The following ANKS1B variants were observed in gnomAD, a reference collection of about 807,000 sequenced individuals.
The protein encoded by ANKS1B is ankyrin repeat and sterile alpha motif domain containing 1B.
Under a neutral mutation model 148.3 loss-of-function variants are expected in ANKS1B, and 36 were observed. That is an observed-to-expected ratio of 0.24 (90% confidence interval 0.19 to 0.32). The LOEUF (loss-of-function observed/expected upper bound fraction) is 0.32. Ranked by LOEUF, ANKS1B falls within the 10% of genes least tolerant of loss-of-function variation. The pLI is 1.00. For synonymous variants in ANKS1B, 542 were observed against 560.8 expected (o/e 0.97, Z 0.47); for missense variants, 1,157 against 1,542.6 (o/e 0.75, Z 4.19).
chr12:98,885,849 A>T (rs948240995), intron 17 of ANKS1B, among the ~76,000 whole-genome samples: 1 of 152,200 alleles, frequency 6.6e-6, no homozygotes, highest in Non-Finnish European at 1.5e-5. Flanking sequence ...TCCAAGCAAT[A>T]AAACATAGCT....
chr12:98,744,487 T>C lies in ANKS1B; in HGVS notation c.*1252A>G. ...TACATTAAAATGTTATTTTTTTCTA[T>C]AATGATATTGGTACTGTTTATATAA... On this transcript the variant is annotated 3_prime_UTR_variant, in exon 27 of 27. Coordinates refer to ENST00000683438, the MANE Select transcript of ANKS1B (RefSeq NM_001352186.2). 1.6e-6 allele frequency: 1 copy of C among 630,808 alleles called. No homozygotes were observed. Among genetic ancestry groups the C allele is most frequent in the Non-Finnish European group, 2.0e-6 (1 of 506,150 alleles). The allele number at this position is 630,808 out of a possible 1,614,324, so 39.1% of individuals were successfully genotyped here.
intron 17 of ANKS1B, among the ~76,000 whole-genome samples, chr12:98,930,291 G>A (rs1225354462): frequency 6.6e-6 from 1 of 152,078 alleles, no homozygotes; most frequent in Non-Finnish European, 1.5e-5. Context: ...AACAAATGCT[G>A]ACAAAGGTGT....
At chr12:99,964,101 C>T (rs1338445560) in intron 1 of ANKS1B, among the ~76,000 whole-genome samples, 1 of 152,110 alleles carries the variant, frequency 6.6e-6, no homozygotes, top group African/African-American at 2.4e-5. Context: ...TGGAGGCCTA[C>T]TACATGTCCA....
At chr12:99,571,615 G>C (rs10129037) in intron 9 of ANKS1B, among the ~76,000 whole-genome samples, 2,125 of 152,078 alleles carry the variant, frequency 0.014, 51 homozygotes, top group African/African-American at 0.049. Context: ...CGAATGTTAA[G>C]GTCTCATCCA....
At chr12:98,786,457 A>T (rs1405689830) in intron 22 of ANKS1B, among the ~76,000 whole-genome samples, 1 of 152,236 alleles carries the variant, frequency 6.6e-6, no homozygotes, top group Non-Finnish European at 1.5e-5. Flanking sequence ...GAAATCACCA[A>T]GAGAAAGAAA....
chr12:99,823,730 T>C (rs961363959), intron 2 of ANKS1B, among the ~76,000 whole-genome samples: 1 of 152,244 alleles, frequency 6.6e-6, no homozygotes, highest in African/African-American at 2.4e-5. Context: ...GATCTTACAT[T>C]TAAATCTTCA....
chr12:98,980,033 A>G (rs2099906874), intron 17 of ANKS1B, among the ~76,000 whole-genome samples: 1 of 152,118 alleles, frequency 6.6e-6, no homozygotes, highest in Admixed American at 6.5e-5. Context: ...TTTTAATCCA[A>G]ATGGTCACAT....
chr12:99,286,516 G>A (rs570480177), intron 12 of ANKS1B, among the ~76,000 whole-genome samples: 1 of 152,200 alleles, frequency 6.6e-6, no homozygotes, highest in Non-Finnish European at 1.5e-5. Context: ...CCTGTTTGAG[G>A]AAAGGAGAGG....
chr12:99,963,146 G>A (rs749901982), intron 1 of ANKS1B, among the ~76,000 whole-genome samples: 2 of 152,242 alleles, frequency 1.3e-5, no homozygotes, highest in South Asian at 2.1e-4. Context: ...TGTTGGCCAC[G>A]TAAATGTCTT....
At chr12:99,182,685 G>T (rs977202141) in intron 14 of ANKS1B, among the ~76,000 whole-genome samples, 1 of 151,998 alleles carries the variant, frequency 6.6e-6, no homozygotes, top group Admixed American at 6.6e-5. Context: ...CTAGGAGTGG[G>T]ATTACTAGAT....
chr12:98,908,338 T>G (rs2099782232), intron 17 of ANKS1B, among the ~76,000 whole-genome samples: 1 of 152,214 alleles, frequency 6.6e-6, no homozygotes, highest in African/African-American at 2.4e-5. Flanking sequence ...TATGTCTGCT[T>G]CCATTATTTC....
chr12:99,280,203 T>TGAGA (rs534368988), intron 12 of ANKS1B, among the ~76,000 whole-genome samples: 2 of 150,886 alleles, frequency 1.3e-5, no homozygotes, highest in Non-Finnish European at 3.0e-5. Flanking sequence ...TGTGTGTGTG[T>TGAGA]GAGAGAGAGA....
intron 12 of ANKS1B, among the ~76,000 whole-genome samples, chr12:99,255,246 A>T (rs1208184293): frequency 6.6e-6 from 1 of 151,844 alleles, no homozygotes; most frequent in Non-Finnish European, 1.5e-5. Context: ...AATTTGTCTA[A>T]TTTTTCTCAG....
intron 1 of ANKS1B, among the ~76,000 whole-genome samples, chr12:99,961,863 G>A (rs1325194953): frequency 2.0e-5 from 3 of 152,206 alleles, no homozygotes; most frequent in Non-Finnish European, 4.4e-5. Context: ...CAAAGTTTAC[G>A]AAGCATTTCT....
In ANKS1B at chr12:98,972,503, G is replaced by A. The variant is rs2099884108; in HGVS notation, c.2778+80654C>T. Among the ~76,000 whole-genome samples the A allele has an allele frequency of 3.3e-5, 5 of 152,140 alleles. No individual in the cohort carries two copies. The South Asian group carries it at 1.0e-3, about 32-fold the overall frequency. On this transcript the variant is annotated intron_variant, in intron 17 of 26. Coordinates refer to ENST00000683438, the MANE Select transcript of ANKS1B (RefSeq NM_001352186.2). ...TCCATTTATCAGATAAGGAAACAAAGATTCAGAGAAGTCACCAAGTTGAGA... is the reference window on the plus strand; with the variant it reads ...TCCATTTATCAGATAAGGAAACAAAAATTCAGAGAAGTCACCAAGTTGAGA...
At chr12:99,382,654 T>A (rs1019554236) in intron 12 of ANKS1B, among the ~76,000 whole-genome samples, 1 of 132,712 alleles carries the variant, frequency 7.5e-6, no homozygotes, top group African/African-American at 2.9e-5. Context: ...CCTGAGATCA[T>A]ACCACTGCAC....
At chr12:99,221,747 C>CTT (rs985560144) in intron 14 of ANKS1B, among the ~76,000 whole-genome samples, 1 of 152,172 alleles carries the variant, frequency 6.6e-6, no homozygotes, top group Non-Finnish European at 1.5e-5. Flanking sequence ...ATCATTGTAA[C>CTT]TGCTAAGGAG....
chr12:99,096,438 G>C (rs2056152566), intron 15 of ANKS1B, among the ~76,000 whole-genome samples: 1 of 152,062 alleles, frequency 6.6e-6, no homozygotes, highest in Non-Finnish European at 1.5e-5. Context: ...TTCGGTGATG[G>C]GAAAACTTGC....
At chr12:99,799,771 T>C (rs2066717211) in intron 4 of ANKS1B, among the ~76,000 whole-genome samples, 1 of 151,898 alleles carries the variant, frequency 6.6e-6, no homozygotes, top group South Asian at 2.1e-4. Context: ...GGCCTGGAGG[T>C]AGGAGTGTAC....
Sources: allele counts gnomAD v4.1 joint callset (sites outside exome capture counted in the v4.1 genomes callset), GRCh38; gene constraint gnomAD v4.1.1; transcripts MANE v1.5; gene names NCBI Gene and HGNC (gene_info 2026-07-23, HGNC 2026-07-21).